DCPH1: variants seen among roughly 807,000 people sequenced by gnomAD.
DCPH1 encodes damage-control phosphatase 1.
chr6:151,458,220 A>G, the DCPH1 span: 1 of 1,341,900 alleles, frequency 7.5e-7, no homozygotes, highest in Admixed American at 2.3e-5. Context: ...AATAAAATGT[A>G]GTTTTGAACA....
chr6:151,458,980 TAAA>T, the DCPH1 span, among the ~76,000 whole-genome samples: 5 of 151,692 alleles, frequency 3.3e-5, no homozygotes, highest in East Asian at 1.9e-4. Context: ...CTACTAAAAA[TAAA>T]AAAATTAGCG....
chr6:151,469,179 A>G, the DCPH1 span: 1 of 1,373,828 alleles, frequency 7.3e-7, no homozygotes, highest in Non-Finnish European at 9.8e-7. Context: ...GAAAAGGAGC[A>G]CGTGAATTGA....
chr6:151,459,802 CA>C, the DCPH1 span, among the ~76,000 whole-genome samples: 2 of 151,700 alleles, frequency 1.3e-5, no homozygotes, highest in South Asian at 2.1e-4. Context: ...AACCAAAAAA[CA>C]AAAAACTGTT....
At chr6:151,454,068 A>G in the DCPH1 span, among the ~76,000 whole-genome samples, 1 of 152,188 alleles carries the variant, frequency 6.6e-6, no homozygotes, top group African/African-American at 2.4e-5. Flanking sequence ...GACAGAATGG[A>G]GAGAAACAGG....
At chr6:151,468,259 C>A in the DCPH1 span, 3 of 856,632 alleles carry the variant, frequency 3.5e-6, no homozygotes, top group South Asian at 1.8e-5. Context: ...AGTTTTTTAG[C>A]AATGTCCCCC....
At chr6:151,466,169 T>G in the DCPH1 span, among the ~76,000 whole-genome samples, 2 of 152,242 alleles carry the variant, frequency 1.3e-5, no homozygotes, top group African/African-American at 2.4e-5. Flanking sequence ...TCTGCCCACC[T>G]TGGCCTCCCA....
At chr6:151,453,273 G>T in the DCPH1 span, among the ~76,000 whole-genome samples, 24 of 152,138 alleles carry the variant, frequency 1.6e-4, no homozygotes, top group Admixed American at 2.6e-4. Flanking sequence ...AGGGCTTCTG[G>T]CCTCACTCCA....
the DCPH1 span, chr6:151,469,123 G>A: frequency 1.3e-6 from 2 of 1,580,970 alleles, no homozygotes; most frequent in East Asian, 2.2e-5. Flanking sequence ...TGATTTAGGA[G>A]CTCTCAGTTG....
the DCPH1 span, among the ~76,000 whole-genome samples, chr6:151,456,797 T>C: frequency 6.6e-6 from 1 of 152,226 alleles, no homozygotes. Context: ...ATTACAGGCG[T>C]GAGCCACTGT....
the DCPH1 span, chr6:151,464,434 T>C: frequency 6.3e-7 from 1 of 1,581,108 alleles, no homozygotes; most frequent in East Asian, 2.2e-5. Context: ...TGTTTCACTT[T>C]GTTTTTCTCC....
the DCPH1 span, among the ~76,000 whole-genome samples, chr6:151,462,601 C>A: frequency 1.0e-3 from 152 of 152,178 alleles, no homozygotes; most frequent in Non-Finnish European, 1.5e-3. Context: ...GAGTACTTTT[C>A]AGTTTGGAGT....
the DCPH1 span, among the ~76,000 whole-genome samples, chr6:151,465,489 C>T: frequency 6.6e-6 from 1 of 151,960 alleles, no homozygotes; most frequent in South Asian, 2.1e-4. Flanking sequence ...TGTATGTCTG[C>T]GGAGTACATG....
At chr6:151,455,323 T>C in the DCPH1 span, among the ~76,000 whole-genome samples, 682 of 152,298 alleles carry the variant, frequency 4.5e-3, 1 homozygote, top group African/African-American at 0.015. Flanking sequence ...TAAGGGGACC[T>C]GGGGAACCAG....
At chr6:151,459,584 G>A in the DCPH1 span, among the ~76,000 whole-genome samples, 1 of 152,128 alleles carries the variant, frequency 6.6e-6, no homozygotes, top group Non-Finnish European at 1.5e-5. Context: ...TCGAGGTCAG[G>A]AATTTGAGAC....
the DCPH1 span, chr6:151,458,318 A>G: frequency 6.2e-7 from 1 of 1,606,564 alleles, no homozygotes; most frequent in South Asian, 1.1e-5. Context: ...TTTTTCTTGT[A>G]TTTTTGCAGG....
the DCPH1 span, among the ~76,000 whole-genome samples, chr6:151,467,826 C>T: frequency 5.3e-5 from 8 of 152,002 alleles, no homozygotes; most frequent in Admixed American, 1.3e-4. Context: ...TAAAAAGTAG[C>T]GTCTTTAGAT....
At chr6:151,468,878 A>G in the DCPH1 span, 9 of 1,613,954 alleles carry the variant, frequency 5.6e-6, no homozygotes, top group African/African-American at 1.2e-4. Context: ...ATTTTATTCA[A>G]GGGTGATTTG....
At chr6:151,458,467 A>G in the DCPH1 span, 6 of 1,613,632 alleles carry the variant, frequency 3.7e-6, no homozygotes, top group Admixed American at 3.3e-5. Context: ...GAATATCAAC[A>G]GAGTCTTTTA....
the DCPH1 span, among the ~76,000 whole-genome samples, chr6:151,464,196 C>G: frequency 1.3e-5 from 2 of 152,206 alleles, no homozygotes; most frequent in South Asian, 4.1e-4. Flanking sequence ...TAATTATGAG[C>G]ATAGTCACTA....
Sources: allele counts gnomAD v4.1 joint callset (sites outside exome capture counted in the v4.1 genomes callset), GRCh38; gene constraint gnomAD v4.1.1; transcripts MANE v1.5; gene names NCBI Gene and HGNC (gene_info 2026-07-23, HGNC 2026-07-21).